Variants in TBC1D4 observed in about 807,000 individuals in gnomAD.
TBC1D4 encodes TBC (Tre-2, BUB2, CDC16) domain-containing protein.
A neutral mutation model predicts 142.5 loss-of-function variants in TBC1D4; 121 were observed. The observed-to-expected ratio is 0.85, with a 90% confidence interval of 0.73 to 0.99. The LOEUF is 0.99. Ranked by LOEUF, TBC1D4 falls within the 50% of genes least tolerant of loss-of-function variation. The probability of loss-of-function intolerance (pLI) is 0.00; values close to 1 mark genes in which losing one functional copy is unlikely to be tolerated. For synonymous variants in TBC1D4, 630 were observed against 628.2 expected (o/e 1.00, Z -0.04); for missense variants, 1,475 against 1,606.6 (o/e 0.92, Z 1.40).
intron 1 of TBC1D4, among the ~76,000 whole-genome samples, chr13:75,426,641 T>C (rs1329890744): frequency 6.6e-6 from 1 of 152,186 alleles, no homozygotes; most frequent in Non-Finnish European, 1.5e-5. Flanking sequence ...TTGGAAGCAA[T>C]CTTGTGCAAT....
chr13:75,288,865 T>C (rs1171170584), intron 20 of TBC1D4, 69 bp downstream of exon 20: 13 of 1,514,414 alleles, frequency 8.6e-6, no homozygotes, highest in Middle Eastern at 4.3e-4. Flanking sequence ...ATCCCTTTCA[T>C]TCCTGAGGTA....
At chr13:75,398,732 A>C (rs1318933285) in intron 1 of TBC1D4, among the ~76,000 whole-genome samples, 1 of 152,192 alleles carries the variant, frequency 6.6e-6, no homozygotes, top group African/African-American at 2.4e-5. Context: ...TTACAGTATA[A>C]AGTAGCCTCA....
At position 75,283,707 on chromosome 13, in the gene TBC1D4, C is replaced by A. The variant is rs547204950; in HGVS notation, c.*3085G>T. Among the ~76,000 whole-genome samples the A allele has an allele frequency of 2.0e-4, 30 of 152,262 alleles. No individual in the cohort carries two copies. The South Asian group carries it at 5.6e-3, about 28-fold the overall frequency. On this transcript the variant is annotated 3_prime_UTR_variant, in exon 21 of 21. Coordinates refer to ENST00000377636, the MANE Select transcript of TBC1D4 (RefSeq NM_014832.5). ...GAAAATAAAAGGGTAGAATGCAAAT[C>A]TGTCAATGTGGTTGCTTATATTTTT...
At chr13:75,440,739 C>G (rs1593888085) in intron 1 of TBC1D4, among the ~76,000 whole-genome samples, 1 of 139,546 alleles carries the variant, frequency 7.2e-6, no homozygotes, top group South Asian at 2.3e-4. Context: ...TTATTTGTTT[C>G]TTTTTTTTTT....
intron 1 of TBC1D4, among the ~76,000 whole-genome samples, chr13:75,422,489 T>C (rs189080252): frequency 2.0e-5 from 3 of 152,330 alleles, no homozygotes; most frequent in Admixed American, 1.3e-4. Context: ...TTTTGAGTCA[T>C]AGAAATAACT....
At chr13:75,454,667 C>T (rs889495767) in intron 1 of TBC1D4, among the ~76,000 whole-genome samples, 4 of 152,180 alleles carry the variant, frequency 2.6e-5, no homozygotes, top group Non-Finnish European at 2.9e-5. Flanking sequence ...TTCAAACTGG[C>T]AGCAGGTCGC....
chr13:75,415,488 T>C (rs1885880269), intron 1 of TBC1D4, among the ~76,000 whole-genome samples: 1 of 152,236 alleles, frequency 6.6e-6, no homozygotes, highest in Non-Finnish European at 1.5e-5. Context: ...TTGTTCACTT[T>C]AATAATTTAC....
chr13:75,296,301 A>G (rs1391151674), intron 17 of TBC1D4, among the ~76,000 whole-genome samples: 1 of 152,216 alleles, frequency 6.6e-6, no homozygotes, highest in Non-Finnish European at 1.5e-5. Flanking sequence ...AGAAATTCTG[A>G]GCATCTATCA....
chr13:75,449,778 T>C (rs1887456300), intron 1 of TBC1D4, among the ~76,000 whole-genome samples: 1 of 152,016 alleles, frequency 6.6e-6, no homozygotes. Context: ...GTAGAGACTG[T>C]TTCACCATGT....
chr13:75,435,412 A>G (rs1352086721), intron 1 of TBC1D4, among the ~76,000 whole-genome samples: 5 of 152,064 alleles, frequency 3.3e-5, no homozygotes, highest in African/African-American at 1.2e-4. Context: ...TAAGAGAAAT[A>G]TATGATTCAG....
chr13:75,357,210 G>A (rs532141929), intron 3 of TBC1D4, among the ~76,000 whole-genome samples: 1 of 152,084 alleles, frequency 6.6e-6, no homozygotes, highest in African/African-American at 2.4e-5. Context: ...TTGATAAATG[G>A]TTGCCCCTAT....
chr13:75,311,582 C>G (rs904260814), intron 13 of TBC1D4, among the ~76,000 whole-genome samples: 5 of 152,080 alleles, frequency 3.3e-5, no homozygotes, highest in Non-Finnish European at 7.4e-5. Flanking sequence ...GATTTTATAT[C>G]AATATATTCA....
intron 1 of TBC1D4, among the ~76,000 whole-genome samples, chr13:75,414,859 C>T (rs1333252502): frequency 6.6e-6 from 1 of 152,178 alleles, no homozygotes. Context: ...CCTAGTGGCT[C>T]ATGCCTGTAA....
chr13:75,329,599 T>C (rs989389565), intron 8 of TBC1D4, among the ~76,000 whole-genome samples: 4 of 152,188 alleles, frequency 2.6e-5, no homozygotes, highest in African/African-American at 9.6e-5. Context: ...TCTCCTCTGT[T>C]GGAATTTCTG....
At chr13:75,296,546 A>G (rs1472739105) in intron 17 of TBC1D4, among the ~76,000 whole-genome samples, 2 of 152,228 alleles carry the variant, frequency 1.3e-5, no homozygotes, top group Non-Finnish European at 2.9e-5. Flanking sequence ...GGCAAATAAG[A>G]ACACAATTCA....
chr13:75,299,299 A>C (rs1178971579), intron 17 of TBC1D4, 31 bp downstream of exon 17: 1 of 1,613,234 alleles, frequency 6.2e-7, no homozygotes, highest in Admixed American at 1.7e-5. Context: ...TAATAGTCTC[A>C]CACCTTCCTC....
At chr13:75,467,317 A>G (rs1312750808) in intron 1 of TBC1D4, among the ~76,000 whole-genome samples, 1 of 152,246 alleles carries the variant, frequency 6.6e-6, no homozygotes, top group Non-Finnish European at 1.5e-5. Context: ...TGAACAACAC[A>G]TCATCAGCAA....
chr13:75,443,016 A>G (rs1044895930), intron 1 of TBC1D4, among the ~76,000 whole-genome samples: 2 of 152,166 alleles, frequency 1.3e-5, no homozygotes, highest in African/African-American at 4.8e-5. Context: ...TATGAAGTTT[A>G]TTGTAGCTCC....
chr13:75,364,212 T>C (rs576596261), intron 1 of TBC1D4, among the ~76,000 whole-genome samples: 3 of 152,316 alleles, frequency 2.0e-5, no homozygotes, highest in Admixed American at 2.0e-4. Flanking sequence ...CCAGCCACAA[T>C]GGCCTCCTTG....
Sources: gnomAD v4.1 joint callset for allele counts (sites outside exome capture counted in the v4.1 genomes callset) on GRCh38, gnomAD v4.1.1 for gene constraint, MANE v1.5 for transcripts, NCBI Gene and HGNC (gene_info 2026-07-23, HGNC 2026-07-21) for gene names.